The following GABRG3 variants were observed in gnomAD, a reference collection of about 807,000 sequenced individuals.
The protein encoded by GABRG3 is gamma-aminobutyric acid receptor subunit gamma-3.
In GABRG3, 25 loss-of-function variants were observed where a neutral mutation model predicts 48.8. The ratio of observed to expected loss-of-function variants is 0.51; its 90% CI spans 0.37 to 0.72. The LOEUF (loss-of-function observed/expected upper bound fraction) is 0.72. Ranked by LOEUF, GABRG3 falls within the 30% of genes least tolerant of loss-of-function variation. GABRG3 has a pLI of 0.00. For missense variants in GABRG3, 394 were observed against 577.9 expected, an observed-to-expected ratio of 0.68 and a Z score of 3.26; for synonymous variants, 227 against 217.6, an observed-to-expected ratio of 1.04 and a Z score of -0.38.
intron 3 of GABRG3, among the ~76,000 whole-genome samples, chr15:27,065,526 G>A (rs926845177): frequency 1.4e-4 from 21 of 152,252 alleles, no homozygotes; most frequent in African/African-American, 4.6e-4. Flanking sequence ...AGTGGGTCTC[G>A]GTTCCTTCCA....
At chr15:27,184,522 A>G (rs187005085) in intron 3 of GABRG3, among the ~76,000 whole-genome samples, 12 of 152,322 alleles carry the variant, frequency 7.9e-5, no homozygotes, top group Admixed American at 6.5e-4. Flanking sequence ...TATTGGTCTC[A>G]TGAAGCTTAT....
At chr15:27,150,446 T>G (rs963131280) in intron 3 of GABRG3, among the ~76,000 whole-genome samples, 1 of 152,206 alleles carries the variant, frequency 6.6e-6, no homozygotes, top group African/African-American at 2.4e-5. Context: ...TCTCAAAATG[T>G]ATTCCGTAGG....
At chr15:27,488,601 T>TA (rs1189855805) in intron 6 of GABRG3, among the ~76,000 whole-genome samples, 1 of 152,196 alleles carries the variant, frequency 6.6e-6, no homozygotes, top group Non-Finnish European at 1.5e-5. Context: ...TCCCAATGAA[T>TA]CCACCTGTTG....
rs562131039 is a variant in GABRG3, at chr15:27,330,889, CA to C, written c.574+2002del. Among the ~76,000 whole-genome samples, 18 of 152,198 alleles carry C rather than the reference CA, an allele frequency of 1.2e-4. No individual in the cohort carries two copies. In the South Asian group the frequency reaches 2.9e-3, roughly 25 times the overall value. On this transcript the variant is annotated intron_variant, in intron 5 of 9. Transcript: ENST00000615808. The stretch of plus-strand genomic sequence containing the variant: ...GGGTGGTCAGAGTGAATGTAGGAGC[CA>C]GGGGGTGGACAGTCTTATATATAAT...
chr15:27,167,147 C>A (rs997264921), intron 3 of GABRG3, among the ~76,000 whole-genome samples: 1 of 152,168 alleles, frequency 6.6e-6, no homozygotes, highest in Non-Finnish European at 1.5e-5. Flanking sequence ...GTGCTTTGTG[C>A]CTGTTGCCTG....
At chr15:27,275,215 C>G (rs1891214526) in intron 3 of GABRG3, among the ~76,000 whole-genome samples, 1 of 152,152 alleles carries the variant, frequency 6.6e-6, no homozygotes, top group African/African-American at 2.4e-5. Flanking sequence ...GATTTGCAGT[C>G]TATGCATTTT....
intron 6 of GABRG3, among the ~76,000 whole-genome samples, chr15:27,490,543 A>T (rs2150848983): frequency 6.6e-6 from 1 of 152,324 alleles, no homozygotes; most frequent in South Asian, 2.1e-4. Flanking sequence ...TTTGCCAGCC[A>T]GGGTCAATCT....
chr15:27,413,526 A>C (rs1188709034), intron 5 of GABRG3, among the ~76,000 whole-genome samples: 2 of 152,220 alleles, frequency 1.3e-5, no homozygotes, highest in Admixed American at 1.3e-4. Flanking sequence ...GCACACGAAA[A>C]ATCATTATTT....
At chr15:27,530,894 G>T (rs1276683036) in intron 9 of GABRG3, 1 of 332,292 alleles carries the variant, frequency 3.0e-6, no homozygotes, top group South Asian at 2.3e-5. Flanking sequence ...TATTGCAATT[G>T]TTTGTTAATA....
intron 3 of GABRG3, among the ~76,000 whole-genome samples, chr15:27,269,589 T>C (rs1215874956): frequency 2.6e-5 from 4 of 152,230 alleles, no homozygotes; most frequent in Non-Finnish European, 5.9e-5. Context: ...TTTAAATGAA[T>C]TTTCACACAT....
chr15:27,458,029 GC>G (rs1889335333), intron 5 of GABRG3, among the ~76,000 whole-genome samples: 1 of 151,966 alleles, frequency 6.6e-6, no homozygotes, highest in Non-Finnish European at 1.5e-5. Context: ...CTATGCTCAG[GC>G]CCCCCGACTC....
At chr15:27,416,711 C>T (rs546619440) in intron 5 of GABRG3, among the ~76,000 whole-genome samples, 1 of 152,252 alleles carries the variant, frequency 6.6e-6, no homozygotes, top group Non-Finnish European at 1.5e-5. Context: ...CACTGGTTCC[C>T]ACAGAGGTTT....
rs139886372 is a variant in GABRG3, at chr15:27,210,909, C to A, written c.271-115900C>A. On this transcript the variant is annotated intron_variant, in intron 3 of 9. Transcript: ENST00000615808. ...TTCTCCATTTCCTCTCTACATAGGTCTCTCCAAATTTCTTAGAAGATACAC... is the reference window on the plus strand; with the variant it reads ...TTCTCCATTTCCTCTCTACATAGGTATCTCCAAATTTCTTAGAAGATACAC... Among the ~76,000 whole-genome samples, 762 of 152,280 alleles carry A rather than the reference C, an allele frequency of 5.0e-3. 5 individuals are homozygous for A. The highest frequency in any genetic ancestry group is 6.2e-3 in the South Asian group (30 of 4,816).
At chr15:27,221,993 C>A (rs1325470563) in intron 3 of GABRG3, among the ~76,000 whole-genome samples, 1 of 152,198 alleles carries the variant, frequency 6.6e-6, no homozygotes, top group Admixed American at 6.5e-5. Context: ...TGAAGTTCTA[C>A]ATTATTTTTA....
At position 27,088,085 on chromosome 15, in the gene GABRG3, G is replaced by A. The variant is rs962057090; in HGVS notation, c.270+61264G>A. On this transcript the variant is annotated intron_variant, in intron 3 of 9. Transcript: ENST00000615808. ...GTGGTGTGCTGCAGTGTGTGTGTGA[G>A]TGTGTGTGATGTGCCGTGGTTGTGT... is the stretch of plus-strand genomic sequence containing the variant. 3.3e-5 allele frequency among the ~76,000 whole-genome samples: 5 copies of A among 149,692 alleles called. No homozygotes were observed. The South Asian group carries it at 6.3e-4, about 19-fold the overall frequency.
intron 5 of GABRG3, among the ~76,000 whole-genome samples, chr15:27,398,267 C>T (rs1446887738): frequency 3.3e-5 from 5 of 152,116 alleles, no homozygotes; most frequent in African/African-American, 1.2e-4. Context: ...GTGCCTGATA[C>T]ATACATATTT....
intron 3 of GABRG3, among the ~76,000 whole-genome samples, chr15:27,095,473 A>G (rs976174664): frequency 1.7e-5 from 2 of 120,460 alleles, no homozygotes; most frequent in African/African-American, 5.9e-5. Flanking sequence ...CGGTCTCCAC[A>G]TAGATGCTGG....
intron 2 of GABRG3, among the ~76,000 whole-genome samples, chr15:27,002,098 A>G (rs1002471412): frequency 6.6e-6 from 1 of 152,196 alleles, no homozygotes; most frequent in Non-Finnish European, 1.5e-5. Context: ...AGTAAACTCA[A>G]CCTTCTTCCA....
chr15:27,402,357 C>G (rs1281729851), intron 5 of GABRG3, among the ~76,000 whole-genome samples: 1 of 152,152 alleles, frequency 6.6e-6, no homozygotes, highest in Non-Finnish European at 1.5e-5. Context: ...AAGGAATAAA[C>G]AGAAGGATGG....
Sources: gnomAD v4.1 joint callset for allele counts (sites outside exome capture counted in the v4.1 genomes callset) on GRCh38, gnomAD v4.1.1 for gene constraint, MANE v1.5 for transcripts, NCBI Gene and HGNC (gene_info 2026-07-23, HGNC 2026-07-21) for gene names.